The following DNAJC6 variants were observed in gnomAD, a reference collection of about 807,000 sequenced individuals.
DNAJC6 encodes auxilin.
DNAJC6 carries 34 observed loss-of-function variants against 110.0 expected under a neutral mutation model. That is an observed-to-expected ratio of 0.31 (90% CI 0.24 to 0.41). The LOEUF is 0.41. Ranked by LOEUF, DNAJC6 falls within the 10% of genes least tolerant of loss-of-function variation. The pLI is 1.00. For missense variants in DNAJC6, 1,031 were observed against 1,207.8 expected (o/e 0.85, Z 2.17); for synonymous variants, 406 against 437.2 (o/e 0.93, Z 0.89).
At chr1:65,401,710 A>C (rs1646031346) in intron 14 of DNAJC6, 51 bp from the exon 15 acceptor site, 7 of 1,584,154 alleles carry the variant, frequency 4.4e-6, no homozygotes, top group Non-Finnish European at 6.0e-6. Context: ...GAATTTCACA[A>C]TTCAGCCTCA....
In DNAJC6 at chr1:65,388,414, A is replaced by C; in HGVS notation, c.1192A>C (p.Lys398Gln). The C allele has an allele frequency of 6.2e-7, 1 of 1,613,864 alleles. No individual in the cohort carries two copies. Among genetic ancestry groups the C allele is most frequent in the Non-Finnish European group, 8.5e-7 (1 of 1,179,812 alleles). ...PLDTTVLKFT[K>Q]PELDACDVPE... Reference sequence around the variant, plus strand: ...GGACACAACAGTTTTAAAGTTCACCAAGTAAGTACTGGTTGGGCCAAAAGT... The same window carrying C: ...GGACACAACAGTTTTAAAGTTCACCCAGTAAGTACTGGTTGGGCCAAAAGT... The change falls in exon 9 of 19, where the codon AAG (lysine) becomes CAG (glutamine). Residue 398 changes from lysine to glutamine, a missense_variant and splice_region_variant. Coordinates refer to ENST00000371069, the MANE Select transcript of DNAJC6 (RefSeq NM_001256864.2).
At chr1:65,393,980 C>T (rs1645953472) in intron 12 of DNAJC6, among the ~76,000 whole-genome samples, 1 of 152,198 alleles carries the variant, frequency 6.6e-6, no homozygotes, top group Non-Finnish European at 1.5e-5. Flanking sequence ...GATGTGAACT[C>T]AGGTGCCCTG....
intron 1 of DNAJC6, among the ~76,000 whole-genome samples, chr1:65,290,029 T>C (rs1886775): frequency 0.64 from 97,090 of 151,850 alleles, 31,248 homozygotes; most frequent in East Asian, 0.79. Context: ...AGGCTGGTCT[T>C]GAACTCCTGA....
intron 1 of DNAJC6, among the ~76,000 whole-genome samples, chr1:65,341,352 A>G (rs1386670454): frequency 6.6e-6 from 1 of 152,128 alleles, no homozygotes; most frequent in African/African-American, 2.4e-5. Flanking sequence ...ATGGAAAGCC[A>G]CCTGCTTGCC....
At chr1:65,306,451 C>A (rs975230792), upstream of DNAJC6, 2 of 152,130 alleles carry the variant, frequency 1.3e-5, no homozygotes, top group East Asian at 3.9e-4. Context: ...CTTAGCCCAC[C>A]CCAAAAGTGA....
chr1:65,319,557 A>G (rs2101406753), intron 1 of DNAJC6, among the ~76,000 whole-genome samples: 1 of 152,292 alleles, frequency 6.6e-6, no homozygotes, highest in Admixed American at 6.5e-5. Flanking sequence ...AGCAAGAATA[A>G]TCAAACACCT....
chr1:65,316,518 G>T (rs984111144), intron 1 of DNAJC6, among the ~76,000 whole-genome samples: 2 of 152,160 alleles, frequency 1.3e-5, no homozygotes, highest in African/African-American at 4.8e-5. Flanking sequence ...TCAGAGCAAG[G>T]CTGGGTCTTA....
chr1:65,320,483 G>C (rs1333812466), intron 1 of DNAJC6, among the ~76,000 whole-genome samples: 1 of 152,192 alleles, frequency 6.6e-6, no homozygotes, highest in Non-Finnish European at 1.5e-5. Flanking sequence ...TTTACAAGCT[G>C]TGACCTTGGG....
chr1:65,378,666 T>C (rs1234874942), intron 4 of DNAJC6, among the ~76,000 whole-genome samples: 4 of 152,250 alleles, frequency 2.6e-5, no homozygotes, highest in African/African-American at 4.8e-5. Flanking sequence ...TCAGCCAGTG[T>C]GCTGTTGTAA....
chr1:65,374,686 T>C (rs1363483922), intron 4 of DNAJC6, among the ~76,000 whole-genome samples: 1 of 152,034 alleles, frequency 6.6e-6, no homozygotes, highest in Non-Finnish European at 1.5e-5. Context: ...TTTGGTGGAG[T>C]GTTTAGGTTT....
intron 1 of DNAJC6, among the ~76,000 whole-genome samples, chr1:65,345,229 C>CGCGTGTGT (rs1645426264): frequency 7.0e-6 from 1 of 143,844 alleles, no homozygotes; most frequent in African/African-American, 2.6e-5. Flanking sequence ...CTCTCCCTTT[C>CGCGTGTGT]GTGTGTGTGT....
chr1:65,372,950 C>G (rs983667294), intron 4 of DNAJC6, among the ~76,000 whole-genome samples: 2 of 151,980 alleles, frequency 1.3e-5, no homozygotes, highest in African/African-American at 2.4e-5. Context: ...ATTTTTTCCT[C>G]CTTCAAACCC....
At chr1:65,283,583 C>T (rs1409199990) in intron 1 of DNAJC6, among the ~76,000 whole-genome samples, 10 of 152,118 alleles carry the variant, frequency 6.6e-5, no homozygotes, top group Admixed American at 6.5e-4. Flanking sequence ...GTTTCCAATT[C>T]TTAGCTACTA....
intron 1 of DNAJC6, chr1:65,265,049 C>G: frequency 3.4e-6 from 3 of 882,548 alleles, no homozygotes; most frequent in Non-Finnish European, 5.3e-6. Flanking sequence ...TTTAAAATTA[C>G]CATACCTATA....
chr1:65,299,078 T>C lies in DNAJC6; in HGVS notation c.-131+34146T>C, dbSNP rs554184343. 7 of 152,320 alleles carry C rather than the reference T, an allele frequency of 4.6e-5. No homozygotes were observed. In the South Asian group the frequency reaches 1.5e-3, roughly 32 times the overall value. The allele number at this position is 152,320 out of a possible 1,614,324, so 9.4% of individuals were successfully genotyped here. A position where few individuals can be genotyped will look rare whatever the true frequency, so the allele number is the denominator to read the frequency against. ...ATAAGTATTGATGCTGAGTGATACA[T>C]ACAAAGAAGTCCATTATATGATTTT... is the stretch of plus-strand genomic sequence containing the variant. On this transcript the variant is annotated intron_variant, in intron 1 of 19. Transcript: ENST00000263441.
At chr1:65,267,475 G>C (rs1317856282) in intron 1 of DNAJC6, among the ~76,000 whole-genome samples, 2 of 152,132 alleles carry the variant, frequency 1.3e-5, no homozygotes, top group Non-Finnish European at 2.9e-5. Flanking sequence ...GCACATAGCA[G>C]AGGTAACTAC....
exon 1 of DNAJC6, chr1:65,264,759 A>G (rs1017426727): frequency 4.2e-5 from 61 of 1,459,728 alleles, no homozygotes; most frequent in Non-Finnish European, 5.1e-5. Flanking sequence ...AACCCCGCAC[A>G]CCGACTTGCA....
upstream of DNAJC6, among the ~76,000 whole-genome samples, chr1:65,305,733 G>T (rs1005070981): frequency 1.4e-5 from 2 of 147,506 alleles, no homozygotes; most frequent in Admixed American, 1.4e-4. Flanking sequence ...AAAACAATCA[G>T]TTCACATTTG....
At chr1:65,313,644 A>G (rs1320923032) in intron 1 of DNAJC6, among the ~76,000 whole-genome samples, 1 of 152,158 alleles carries the variant, frequency 6.6e-6, no homozygotes, top group Non-Finnish European at 1.5e-5. Flanking sequence ...GATTGTTGAA[A>G]TGGAAACATT....
Sources: allele counts gnomAD v4.1 joint callset (sites outside exome capture counted in the v4.1 genomes callset), GRCh38; gene constraint gnomAD v4.1.1; transcripts MANE v1.5; gene names NCBI Gene and HGNC (gene_info 2026-07-23, HGNC 2026-07-21).